The following CPSF6 variants were observed in gnomAD, a reference collection of about 807,000 sequenced individuals.
CPSF6 encodes the protein cleavage and polyadenylation specificity factor subunit 6.
Under a neutral mutation model 56.7 loss-of-function variants are expected in CPSF6, and 10 were observed. The observed-to-expected ratio is 0.18, with a 90% CI of 0.11 to 0.30. CPSF6 has a LOEUF of 0.30. Ranked by LOEUF, CPSF6 falls within the 10% of genes least tolerant of loss-of-function variation. The pLI is 1.00. For synonymous variants in CPSF6, 248 were observed against 244.8 expected, an observed-to-expected ratio of 1.01 and a Z score of -0.12; for missense variants, 419 against 722.9, an observed-to-expected ratio of 0.58 and a Z score of 4.82.
chr12:69,243,863 TCTCA>T (rs1871750640), intron 1 of CPSF6, among the ~76,000 whole-genome samples: 1 of 152,258 alleles, frequency 6.6e-6, no homozygotes, highest in African/African-American at 2.4e-5. Flanking sequence ...TTGATTATTT[TCTCA>T]CTGTCATCCA....
At chr12:69,251,465 C>A in intron 2 of CPSF6, 127 bp downstream of exon 2, 1 of 575,560 alleles carries the variant, frequency 1.7e-6, no homozygotes, top group Non-Finnish European at 2.9e-6. Context: ...GTTTGCTTGT[C>A]CAATGAGGAG....
At chr12:69,259,384 A>G (rs1872652269) in intron 6 of CPSF6, 44 bp from the exon 7 acceptor site, 1 of 1,588,808 alleles carries the variant, frequency 6.3e-7, no homozygotes, top group African/African-American at 1.3e-5. Flanking sequence ...CTAACTGAGG[A>G]AATCTGTTGA....
At chr12:69,260,486 GTATTTCTCCA>G (rs1872699180) in intron 8 of CPSF6, among the ~76,000 whole-genome samples, 1 of 152,044 alleles carries the variant, frequency 6.6e-6, no homozygotes, top group Non-Finnish European at 1.5e-5. Flanking sequence ...TCTCCAGTGA[GTATTTCTCCA>G]TATTTCTCCT....
At chr12:69,245,480 G>T (rs577839446) in intron 1 of CPSF6, among the ~76,000 whole-genome samples, 1 of 152,234 alleles carries the variant, frequency 6.6e-6, no homozygotes, top group African/African-American at 2.4e-5. Context: ...GCTTTCCGTG[G>T]CTTTAGGCAT....
intron 9 of CPSF6, among the ~76,000 whole-genome samples, chr12:69,269,126 G>A (rs1873130512): frequency 6.6e-6 from 1 of 151,704 alleles, no homozygotes; most frequent in African/African-American, 2.4e-5. Context: ...CTTGATATGT[G>A]GGTGAATGAA....
At chr12:69,247,277 C>T (rs1249092861) in intron 1 of CPSF6, among the ~76,000 whole-genome samples, 1 of 151,758 alleles carries the variant, frequency 6.6e-6, no homozygotes. Flanking sequence ...TCATGTGGAG[C>T]ATAATCTTGT....
intron 1 of CPSF6, among the ~76,000 whole-genome samples, chr12:69,249,377 T>A (rs185609622): frequency 1.1e-3 from 160 of 151,912 alleles, no homozygotes; most frequent in African/African-American, 3.8e-3. Flanking sequence ...GCCCATAATA[T>A]CTTGTTGCTC....
intron 9 of CPSF6, among the ~76,000 whole-genome samples, chr12:69,263,334 A>G (rs894385912): frequency 6.6e-6 from 1 of 151,886 alleles, no homozygotes; most frequent in Non-Finnish European, 1.5e-5. Flanking sequence ...TTTTTTCTGT[A>G]TTTTAAAACT....
intron 1 of CPSF6, among the ~76,000 whole-genome samples, chr12:69,247,462 T>C (rs1438559887): frequency 1.3e-5 from 2 of 152,074 alleles, no homozygotes; most frequent in Non-Finnish European, 1.5e-5. Flanking sequence ...GCAGATAAGA[T>C]TGGGCAACAT....
At chr12:69,252,452 G>A (rs1032175615) in intron 2 of CPSF6, among the ~76,000 whole-genome samples, 1 of 152,126 alleles carries the variant, frequency 6.6e-6, no homozygotes, top group Non-Finnish European at 1.5e-5. Flanking sequence ...GACAGTAGCA[G>A]TGTAGTTATG....
At chr12:69,259,688 C>T in intron 7 of CPSF6, 145 bp downstream of exon 7, 1 of 821,436 alleles carries the variant, frequency 1.2e-6, no homozygotes, top group Non-Finnish European at 1.8e-6. Flanking sequence ...ATTTAAAAAG[C>T]ATTGAAAAAA....
rs1438062658 is a variant in CPSF6, at chr12:69,262,539, C to T, written c.1636C>T (p.Arg546Cys). 6 of 1,613,316 alleles carry T rather than the reference C, an allele frequency of 3.7e-6. No individual in the cohort carries two copies. The highest frequency in any genetic ancestry group is 1.1e-5 in the South Asian group (1 of 91,026). The change falls in exon 9 of 10, where the codon CGC becomes TGC. Residue 546 changes from arginine to cysteine, a missense_variant. By Grantham distance (180) the Arg-to-Cys change is radical (BLOSUM62 -3). This residue lies in a region of CPSF6 where 81 missense variants were observed against 193.6 expected (regional missense o/e 0.42). Transcript: ENST00000435070. ...CCGTGACCGAGAGCGTGACCGAGAG[C>T]GCGAATATCGTCATCGTTAGAAGGT... ...RDRDRERDRE[R>C]EYRHR
intron 3 of CPSF6, among the ~76,000 whole-genome samples, chr12:69,254,851 C>T (rs1378918023): frequency 9.2e-5 from 14 of 152,076 alleles, no homozygotes; most frequent in Non-Finnish European, 1.9e-4. Flanking sequence ...TGTAACTATA[C>T]GAATTGGTAA....
intron 1 of CPSF6, among the ~76,000 whole-genome samples, chr12:69,245,636 T>A (rs1052217467): frequency 5.9e-5 from 9 of 152,118 alleles, no homozygotes; most frequent in Non-Finnish European, 1.2e-4. Flanking sequence ...GTCAAAAAAA[T>A]TCTGTGAACT....
intron 1 of CPSF6, among the ~76,000 whole-genome samples, chr12:69,248,353 AT>A (rs1187678542): frequency 6.6e-6 from 1 of 152,172 alleles, no homozygotes; most frequent in African/African-American, 2.4e-5. Flanking sequence ...ATATATTGTG[AT>A]TATAGTTTCT....
chr12:69,262,237 G>T, intron 8 of CPSF6, 136 bp from the exon 9 acceptor site: 1 of 1,043,046 alleles, frequency 9.6e-7, no homozygotes. Flanking sequence ...AGTCGTTATT[G>T]GCAGCTCAGG....
Position 69,243,213 on chromosome 12 carries a change from A to G in CPSF6, c.60+3507A>G, listed in dbSNP as rs76032848. 1.6e-3 allele frequency among the ~76,000 whole-genome samples: 245 copies of G among 152,326 alleles called. 3 individuals carry two copies. The highest frequency in any genetic ancestry group is 5.8e-3 in the African/African-American group (240 of 41,576). ...GAGTACACTGTAGGGGAGCTGAGAGATACCTACATACAGTAGTGCACACGT... is the reference window on the plus strand; with the variant it reads ...GAGTACACTGTAGGGGAGCTGAGAGGTACCTACATACAGTAGTGCACACGT... On this transcript the variant is annotated intron_variant, in intron 1 of 9. Coordinates refer to ENST00000435070, the MANE Select transcript of CPSF6 (RefSeq NM_007007.3).
At position 69,258,829 on chromosome 12, in the gene CPSF6, C is replaced by A; in HGVS notation, c.934C>A (p.Pro312Thr). 1 of 1,614,086 alleles carries A rather than the reference C, an allele frequency of 6.2e-7. No homozygotes were observed. Among genetic ancestry groups the A allele is most frequent in the Non-Finnish European group, 8.5e-7 (1 of 1,179,998 alleles). Residue 312 changes from proline to threonine, a missense_variant, in exon 6 of 10, where the codon CCA becomes ACA. Physicochemically the swap from Pro to Thr is conservative, Grantham distance 38 (BLOSUM62 -1). This residue lies in a region of CPSF6 where 211 missense variants were observed against 296.0 expected (regional missense o/e 0.71). Transcript: ENST00000435070. This position sits in a 1 kb window ranked among gnomAD's most constrained non-coding sequence, Gnocchi z 4.2. ...CGGCCCCCCTCCTGGCCCACCACCT[C>A]CACAACAGGGACCACCTCCACCTCC... ...GYGPPPGPPP[P>T]QQGPPPPPGP...
In CPSF6 at chr12:69,271,936, G is replaced by T. The variant is rs549819819; in HGVS notation, c.*2428G>T. On this transcript the variant is annotated 3_prime_UTR_variant, in exon 10 of 10. Transcript: ENST00000435070. ...TTCATTTTTTCCTTAGTTAATAACT[G>T]TAGTGGATGTGAAAACAAACGAGTT... 6.6e-6 allele frequency: 1 copy of T among 151,798 alleles called. No individual in the cohort carries two copies. Among genetic ancestry groups the T allele is most frequent in the South Asian group, 2.1e-4 (1 of 4,814 alleles). 9.4% of individuals were successfully genotyped at this position (151,798 alleles called of 1,614,324 possible). A position where few individuals can be genotyped will look rare whatever the true frequency, so the allele number is the denominator to read the frequency against.
Sources: gnomAD v4.1 joint callset for allele counts (sites outside exome capture counted in the v4.1 genomes callset) on GRCh38, gnomAD v4.1.1 for gene constraint, gnomAD v4.1.1 regional missense constraint, Gnocchi (gnomAD v3.1) non-coding constraint, MANE v1.5 for transcripts, NCBI Gene and HGNC (gene_info 2026-07-23, HGNC 2026-07-21) for gene names.